DGKB: variants seen among roughly 807,000 people sequenced by gnomAD.
DGKB encodes diacylglycerol kinase beta.
A neutral mutation model predicts 114.3 loss-of-function variants in DGKB; 67 were observed. The observed-to-expected ratio is 0.59, with a 90% CI of 0.48 to 0.72. DGKB has a LOEUF of 0.72. Among genes scored for constraint, DGKB ranks in the 30% least tolerant of loss-of-function variants. DGKB has a pLI of 0.00. For synonymous variants in DGKB, 398 were observed against 323.1 expected (o/e 1.23, Z -2.49); for missense variants, 907 against 975.2 (o/e 0.93, Z 0.93).
At chr7:14,773,711 T>C (rs1371533918) in intron 2 of DGKB, among the ~76,000 whole-genome samples, 1 of 152,060 alleles carries the variant, frequency 6.6e-6, no homozygotes, top group Non-Finnish European at 1.5e-5. Flanking sequence ...TAGAAAAAGT[T>C]CCAGAAAGAA....
At chr7:14,318,382 A>G (rs556301621) in intron 23 of DGKB, among the ~76,000 whole-genome samples, 3,653 of 152,114 alleles carry the variant, frequency 0.024, 127 homozygotes, top group African/African-American at 0.083. Flanking sequence ...TTCGCAACCT[A>G]CTCATCTGAC....
chr7:14,702,785 T>C (rs1825434967), intron 6 of DGKB, among the ~76,000 whole-genome samples: 1 of 152,170 alleles, frequency 6.6e-6, no homozygotes, highest in Non-Finnish European at 1.5e-5. Flanking sequence ...TAGGTGATTA[T>C]TTTTGTATTT....
At chr7:14,317,231 G>C (rs1806746318) in intron 23 of DGKB, among the ~76,000 whole-genome samples, 1 of 82,896 alleles carries the variant, frequency 1.2e-5, no homozygotes, top group Admixed American at 1.2e-4. Context: ...GCACAAGACA[G>C]GGATGCCCTC....
chr7:14,516,847 G>A (rs1788873613), intron 20 of DGKB, among the ~76,000 whole-genome samples: 1 of 151,976 alleles, frequency 6.6e-6, no homozygotes, highest in Admixed American at 6.6e-5. Flanking sequence ...CTCATGGACA[G>A]GAAGAGACAA....
At chr7:14,964,881 A>C (rs960051400) in intron 1 of DGKB, among the ~76,000 whole-genome samples, 1 of 152,224 alleles carries the variant, frequency 6.6e-6, no homozygotes, top group African/African-American at 2.4e-5. Flanking sequence ...AACCCAACTA[A>C]GAATGGCTTA....
intron 21 of DGKB, among the ~76,000 whole-genome samples, chr7:14,414,935 C>T (rs914539818): frequency 3.9e-5 from 6 of 151,934 alleles, no homozygotes; most frequent in African/African-American, 1.4e-4. Context: ...AATTTAAATA[C>T]TCTGAAGAAA....
chr7:14,818,860 C>T (rs368418614), intron 2 of DGKB, among the ~76,000 whole-genome samples: 2 of 152,092 alleles, frequency 1.3e-5, no homozygotes, highest in African/African-American at 2.4e-5. Flanking sequence ...AGAGAAAAAA[C>T]GATAGAGAGG....
intron 23 of DGKB, among the ~76,000 whole-genome samples, chr7:14,244,502 A>C (rs1466067879): frequency 1.0e-5 from 1 of 97,368 alleles, no homozygotes. Context: ...TAAAAGTACA[A>C]AAAGAAAAAA....
At chr7:14,166,825 C>G (rs773307585) in intron 25 of DGKB, among the ~76,000 whole-genome samples, 1 of 151,966 alleles carries the variant, frequency 6.6e-6, no homozygotes, top group Non-Finnish European at 1.5e-5. Flanking sequence ...ATACCAGGTA[C>G]AGATAGAAAG....
intron 1 of DGKB, among the ~76,000 whole-genome samples, chr7:14,972,771 T>G (rs915321045): frequency 5.9e-5 from 9 of 152,212 alleles, no homozygotes; most frequent in African/African-American, 1.9e-4. Context: ...CTTTCAAAAT[T>G]TTTAACAGAG....
chr7:14,877,768 A>G (rs1853535421), intron 1 of DGKB, among the ~76,000 whole-genome samples: 1 of 152,208 alleles, frequency 6.6e-6, no homozygotes, highest in Admixed American at 6.5e-5. Context: ...ACCTTTTACC[A>G]AGAAATAAAT....
rs187964912 is a variant in DGKB, at chr7:14,169,326, T to C, written c.2304+7513A>G. Among the ~76,000 whole-genome samples, 1,039 of 144,462 alleles carry C rather than the reference T, an allele frequency of 7.2e-3. 13 individuals are homozygous for C. Among genetic ancestry groups the C allele is most frequent in the African/African-American group, 0.025 (968 of 39,402 alleles). The allele number at this position is 144,462 out of a possible 152,430, so 94.8% of individuals were successfully genotyped here. On this transcript the variant is annotated intron_variant, in intron 25 of 25. Transcript: ENST00000402815. ...ATTGCAGTGAGCCGAGATGGCACCA[T>C]TGCACTCCAGCCTGGGCAACAGAGC...
intron 23 of DGKB, among the ~76,000 whole-genome samples, chr7:14,238,005 G>A (rs1170937714): frequency 3.9e-5 from 6 of 151,960 alleles, no homozygotes; most frequent in Admixed American, 3.9e-4. Flanking sequence ...TTTTGAATAT[G>A]TCTATTAGAT....
At chr7:14,167,186 G>C (rs1554270353) in intron 25 of DGKB, among the ~76,000 whole-genome samples, 1 of 128,190 alleles carries the variant, frequency 7.8e-6, no homozygotes, top group Non-Finnish European at 1.6e-5. Flanking sequence ...ACTCCAGCCT[G>C]GGTAACAGAA....
intron 21 of DGKB, among the ~76,000 whole-genome samples, chr7:14,402,642 G>A (rs1823318462): frequency 6.6e-6 from 1 of 151,834 alleles, no homozygotes; most frequent in Admixed American, 6.6e-5. Flanking sequence ...GCACTGACCT[G>A]AACCATAAGT....
intron 23 of DGKB, among the ~76,000 whole-genome samples, chr7:14,212,386 TA>T (rs377094352): frequency 0.027 from 635 of 23,706 alleles, 161 homozygotes; most frequent in Middle Eastern, 0.061. Context: ...TGTTTTGTGA[TA>T]TTTACTCTCA....
At chr7:14,679,405 T>C (rs1198740602) in intron 12 of DGKB, among the ~76,000 whole-genome samples, 1 of 151,978 alleles carries the variant, frequency 6.6e-6, no homozygotes, top group Non-Finnish European at 1.5e-5. Flanking sequence ...ACTGGTTACA[T>C]AAATGGCCCA....
chr7:14,280,012 A>G (rs911201819), intron 23 of DGKB, among the ~76,000 whole-genome samples: 7 of 151,248 alleles, frequency 4.6e-5, no homozygotes, highest in Non-Finnish European at 8.9e-5. Flanking sequence ...TGGACGGAGA[A>G]TGACTTTGAC....
chr7:14,602,687 G>A (rs562503136), intron 17 of DGKB, among the ~76,000 whole-genome samples: 1 of 152,112 alleles, frequency 6.6e-6, no homozygotes. Flanking sequence ...AAATCTCCTG[G>A]CCCCTGGACC....
Sources: allele counts gnomAD v4.1 joint callset (sites outside exome capture counted in the v4.1 genomes callset), GRCh38; gene constraint gnomAD v4.1.1; transcripts MANE v1.5; gene names NCBI Gene and HGNC (gene_info 2026-07-23, HGNC 2026-07-21).